CCDC171: variants seen among roughly 807,000 people sequenced by gnomAD.
CCDC171 encodes coiled-coil domain containing 171, also known as coiled-coil domain-containing protein 171.
Under a neutral mutation model 168.2 loss-of-function variants are expected in CCDC171, and 177 were observed. The observed-to-expected ratio is 1.05, with a 90% CI of 0.93 to 1.19. The LOEUF (loss-of-function observed/expected upper bound fraction) is 1.19, where lower values mean the gene tolerates loss of function less well. Among genes scored for constraint, CCDC171 ranks in the 50% most tolerant of loss-of-function variants. The pLI, the probability that CCDC171 is intolerant of heterozygous loss-of-function variation, is 0.00. For missense variants in CCDC171, 1,991 were observed against 1,539.0 expected (o/e 1.29, Z -4.91); for synonymous variants, 687 against 540.8 (o/e 1.27, Z -3.75).
At chr9:15,862,486 T>C (rs78534292) in intron 23 of CCDC171, among the ~76,000 whole-genome samples, 6,457 of 152,174 alleles carry the variant, frequency 0.042, 311 homozygotes, top group South Asian at 0.11. Flanking sequence ...TATGACAGTA[T>C]TTTGAATTCT....
chr9:15,623,279 G>A lies in CCDC171; in HGVS notation c.688G>A (p.Ala230Thr). Residue 230 changes from alanine to threonine, a missense_variant, in exon 7 of 26, where the codon GCT becomes ACT. By Grantham distance (58) the Ala-to-Thr change is moderately conservative. Coordinates refer to ENST00000380701, the MANE Select transcript of CCDC171 (RefSeq NM_173550.4). ...LQFIVQEQDT[A>T]VQNMHKKVEK... ...AATTATTTTCCAGGAGCAAGATACT[G>A]CTGTGCAAAATATGCATAAGAAAGT... 1 of 1,583,630 alleles carries A rather than the reference G, an allele frequency of 6.3e-7. No homozygotes were observed. The highest frequency in any genetic ancestry group is 1.3e-5 in the African/African-American group (1 of 74,492).
intron 24 of CCDC171, among the ~76,000 whole-genome samples, chr9:15,893,035 A>AT (rs1820427559): frequency 6.6e-6 from 1 of 152,340 alleles, no homozygotes; most frequent in Middle Eastern, 3.4e-3. Flanking sequence ...ACTTCAAACT[A>AT]TATTACAAGG....
chr9:15,604,503 C>G (rs2043082114), intron 6 of CCDC171, among the ~76,000 whole-genome samples: 1 of 151,952 alleles, frequency 6.6e-6, no homozygotes, highest in Non-Finnish European at 1.5e-5. Flanking sequence ...AATTCTATAC[C>G]TCAACCAGGG....
chr9:15,571,812 G>T, intron 3 of CCDC171, 53 bp downstream of exon 3: 1 of 1,485,896 alleles, frequency 6.7e-7, no homozygotes. Flanking sequence ...TGATTTTTTA[G>T]ATTTATTTCA....
chr9:15,657,034 A>G (rs2047991940), intron 7 of CCDC171, 93 bp from the exon 8 acceptor site: 1 of 588,672 alleles, frequency 1.7e-6, no homozygotes, highest in African/African-American at 1.9e-5. Flanking sequence ...AAGTCCACTA[A>G]TCTAAAGTGT....
intron 3 of CCDC171, among the ~76,000 whole-genome samples, chr9:16,010,622 A>T (rs184481068): frequency 6.6e-6 from 1 of 152,100 alleles, no homozygotes; most frequent in Non-Finnish European, 1.5e-5. Flanking sequence ...CTTCCTCACT[A>T]CTGACAATAT....
At chr9:15,830,742 T>G (rs2060194693) in intron 21 of CCDC171, among the ~76,000 whole-genome samples, 1 of 152,110 alleles carries the variant, frequency 6.6e-6, no homozygotes, top group Non-Finnish European at 1.5e-5. Context: ...TTTGGTATTA[T>G]GCATATTTAC....
chr9:15,754,525 G>A lies in CCDC171; in HGVS notation c.2671+8894G>A, dbSNP rs189079577. ...GTATAACATAAATGAGCACACATGC[G>A]CATACACACACACACCCCTTTATAC... is the stretch of plus-strand genomic sequence containing the variant. On this transcript the variant is annotated intron_variant, in intron 18 of 25. Coordinates refer to ENST00000380701, the MANE Select transcript of CCDC171 (RefSeq NM_173550.4). 5.3e-5 allele frequency among the ~76,000 whole-genome samples: 8 copies of A among 151,912 alleles called. No homozygotes were observed. The South Asian group carries it at 6.2e-4, about 12-fold the overall frequency.
chr9:15,868,491 G>A (rs2061883989), intron 23 of CCDC171, among the ~76,000 whole-genome samples: 1 of 78,222 alleles, frequency 1.3e-5, no homozygotes, highest in Non-Finnish European at 3.4e-5. Context: ...GTACACGTGT[G>A]TGTGTGTGAG....
Position 15,609,388 on chromosome 9 carries a change from C to T in CCDC171, c.676-13879C>T, listed in dbSNP as rs150617440. Among the ~76,000 whole-genome samples, 932 of 152,284 alleles carry T rather than the reference C, an allele frequency of 6.1e-3. 7 individuals are homozygous for T. Among genetic ancestry groups the T allele is most frequent in the African/African-American group, 0.022 (907 of 41,560 alleles). On this transcript the variant is annotated intron_variant, in intron 6 of 25. Transcript: ENST00000380701. ...CCTCCCAAAGTGCTGGGATTACAGG[C>T]GTGAACCACCGCACTTGGCCTAGTT...
At chr9:15,638,365 C>T (rs943805771) in intron 7 of CCDC171, among the ~76,000 whole-genome samples, 4 of 152,006 alleles carry the variant, frequency 2.6e-5, no homozygotes, top group Non-Finnish European at 5.9e-5. Context: ...TTCTGGAGAG[C>T]ATTTTATGTT....
intron 5 of CCDC171, 22 bp from the exon 6 acceptor site, chr9:15,594,019 G>A (rs576135627): frequency 1.6e-5 from 25 of 1,545,622 alleles, no homozygotes; most frequent in East Asian, 2.3e-5. Context: ...TAACAGTAAA[G>A]CAAGATTTTA....
intron 1 of CCDC171, among the ~76,000 whole-genome samples, chr9:16,052,881 ATG>A (rs1043897399): frequency 1.3e-5 from 2 of 151,930 alleles, no homozygotes; most frequent in Non-Finnish European, 2.9e-5. Context: ...TTCAAACGGA[ATG>A]TGAGTCTTTC....
chr9:15,965,965 C>G lies in CCDC171; in HGVS notation c.3754-5644C>G, dbSNP rs150333642. ...AAATAACAAAATAACAATAAAACAC[C>G]AAGACCATGGAGTAATAATATAAGT... is the stretch of plus-strand genomic sequence containing the variant. On this transcript the variant is annotated intron_variant, in intron 25 of 25. Coordinates refer to ENST00000380701, the MANE Select transcript of CCDC171 (RefSeq NM_173550.4). 5.8e-3 allele frequency among the ~76,000 whole-genome samples: 880 copies of G among 152,122 alleles called. 11 individuals are homozygous for G. Among genetic ancestry groups the G allele is most frequent in the African/African-American group, 0.02 (830 of 41,496 alleles).
At chr9:15,752,968 G>A (rs1244143669) in intron 18 of CCDC171, among the ~76,000 whole-genome samples, 5 of 151,960 alleles carry the variant, frequency 3.3e-5, no homozygotes, top group African/African-American at 1.2e-4. Context: ...GGTTTCTTAA[G>A]CTATCTTCTT....
rs1367518109 is a variant in CCDC171, at chr9:15,821,016, G to T, written c.3268-25686G>T. On this transcript the variant is annotated intron_variant, in intron 21 of 25. Coordinates refer to ENST00000380701, the MANE Select transcript of CCDC171 (RefSeq NM_173550.4). ...ATCAAGTGGGCTTCATCCCTGGGAT[G>T]CAAGGCTGGTTCAACATATGAAAAT... 7.7e-5 allele frequency among the ~76,000 whole-genome samples: 9 copies of T among 117,474 alleles called. 4 individuals carry two copies. The highest frequency in any genetic ancestry group is 1.6e-4 in the Admixed American group (2 of 12,370). 77.1% of individuals were successfully genotyped at this position (117,474 alleles called of 152,430 possible). A position where few individuals can be genotyped will look rare whatever the true frequency, so the allele number is the denominator to read the frequency against.
chr9:15,962,595 G>C (rs1247362967), intron 25 of CCDC171, among the ~76,000 whole-genome samples: 1 of 151,880 alleles, frequency 6.6e-6, no homozygotes, highest in African/African-American at 2.4e-5. Flanking sequence ...TTCCATTTTT[G>C]ATTACTTGTG....
chr9:15,744,285 AT>A lies in CCDC171; in HGVS notation c.2064del (p.Ile688MetfsTer9). ...ACTTCTTCCATAGAAATTTCAAGAAATTGCTGAAAAAAACATGGAAAAATTG... is the reference window on the plus strand; with the variant it reads ...ACTTCTTCCATAGAAATTTCAAGAAATGCTGAAAAAAACATGGAAAAATTG... The part of the protein sequence containing the change: ...VQKRAQKFQE[I>X]AEKNMEKLNH... On this transcript the variant is annotated frameshift_variant, in exon 17 of 26. Coordinates refer to ENST00000380701, the MANE Select transcript of CCDC171 (RefSeq NM_173550.4). LOFTEE classifies it high-confidence loss of function. The A allele has an allele frequency of 6.3e-7, 1 of 1,581,664 alleles. No individual in the cohort carries two copies. The highest frequency in any genetic ancestry group is 8.6e-7 in the Non-Finnish European group (1 of 1,166,366).
At chr9:15,772,773 A>G (rs2057081460) in intron 18 of CCDC171, among the ~76,000 whole-genome samples, 1 of 152,122 alleles carries the variant, frequency 6.6e-6, no homozygotes, top group Admixed American at 6.6e-5. Context: ...CTTTGTGGAG[A>G]ATGGATTGAA....
Sources: gnomAD v4.1 joint callset for allele counts (sites outside exome capture counted in the v4.1 genomes callset) on GRCh38, gnomAD v4.1.1 for gene constraint, MANE v1.5 for transcripts, NCBI Gene and HGNC (gene_info 2026-07-23, HGNC 2026-07-21) for gene names.